Variants in DYRK3 observed in about 807,000 individuals in gnomAD.
DYRK3 encodes dual specificity tyrosine-phosphorylation-regulated kinase 3.
A neutral mutation model predicts 40.8 loss-of-function variants in DYRK3; 30 were observed. That is an observed-to-expected ratio of 0.74 (90% CI 0.55 to 1.00). The LOEUF (loss-of-function observed/expected upper bound fraction) is 1.00. Among genes scored for constraint, DYRK3 ranks in the 50% least tolerant of loss-of-function variants. DYRK3 has a pLI of 0.00. For missense variants in DYRK3, 699 were observed against 731.5 expected, an observed-to-expected ratio of 0.96 and a Z score of 0.51; for synonymous variants, 272 against 260.7, an observed-to-expected ratio of 1.04 and a Z score of -0.42.
At position 206,649,209 on chromosome 1, in the gene DYRK3, A is replaced by G; in HGVS notation, c.*244A>G. 2.2e-6 allele frequency: 1 copy of G among 457,272 alleles called. No individual in the cohort carries two copies. The highest frequency in any genetic ancestry group is 3.9e-6 in the Non-Finnish European group (1 of 256,532). The allele number at this position is 457,272 out of a possible 1,614,324, so 28.3% of individuals were successfully genotyped here. On this transcript the variant is annotated 3_prime_UTR_variant, in exon 3 of 3. Transcript: ENST00000367109. ...TATAGGTCAATGCATCTTTGTTATT[A>G]TCGTCAGATGTATTTCAACTGATGT...
Position 206,648,384 on chromosome 1 carries a change from G to A in DYRK3, c.1186G>A (p.Gly396Ser). The part of the protein sequence containing the change: ...YSTPIDIWSF[G>S]CILAELLTGQ... ...CACACCAATTGACATATGGAGTTTT[G>A]GCTGCATCCTTGCAGAACTTTTAAC... The change falls in exon 3 of 3, where the codon GGC (glycine) becomes AGC (serine). Residue 396 changes from glycine (G) to serine (S), a missense_variant. Gly to Ser is a moderately conservative substitution (Grantham distance 56). Coordinates refer to ENST00000367109, the MANE Select transcript of DYRK3 (RefSeq NM_003582.4). 6.2e-7 allele frequency: 1 copy of A among 1,614,064 alleles called. No individual in the cohort carries two copies.
At chr1:206,642,463 T>C (rs567652486) in intron 2 of DYRK3, among the ~76,000 whole-genome samples, 1 of 152,300 alleles carries the variant, frequency 6.6e-6, no homozygotes, top group South Asian at 2.1e-4. Context: ...CATGCTGCTA[T>C]AAAGACACAT....
At chr1:206,636,082 G>T in intron 1 of DYRK3, 1 of 1,514,184 alleles carries the variant, frequency 6.6e-7, no homozygotes, top group African/African-American at 1.4e-5. Context: ...CGAAAATCTA[G>T]GACTTTTTGT....
intron 1 of DYRK3, chr1:206,636,067 G>C (rs1400204102): frequency 4.6e-6 from 7 of 1,535,214 alleles, no homozygotes; most frequent in Non-Finnish European, 5.3e-6. Context: ...TATGTTAAGG[G>C]ATTACGAAAA....
chr1:206,637,062 G>A, intron 1 of DYRK3: 1 of 888,544 alleles, frequency 1.1e-6, no homozygotes, highest in South Asian at 1.4e-5. Flanking sequence ...ATGTAAGTAG[G>A]TAAGTAAGTA....
chr1:206,641,425 T>A (rs1057246152), intron 2 of DYRK3, among the ~76,000 whole-genome samples: 1 of 147,194 alleles, frequency 6.8e-6, no homozygotes, highest in Non-Finnish European at 1.5e-5. Flanking sequence ...TTCTTTTTTA[T>A]GGCTAAATAG....
chr1:206,642,930 T>A (rs1268860751), intron 2 of DYRK3, among the ~76,000 whole-genome samples: 1 of 151,210 alleles, frequency 6.6e-6, no homozygotes, highest in South Asian at 2.1e-4. Context: ...ATAATAATAA[T>A]AATAAAAATA....
In DYRK3 at chr1:206,648,491, ACTT is replaced by A; in HGVS notation, c.1296_1298del (p.Leu433del). ...AGCTTCTAGGGATGCCACCACCAAA[ACTT>A]CTGGAGCAATCCAAACGTGCCAAGT... is the stretch of plus-strand genomic sequence containing the variant. On this transcript the variant is annotated inframe_deletion, in exon 3 of 3. Coordinates refer to ENST00000367109, the MANE Select transcript of DYRK3 (RefSeq NM_003582.4). The A allele has an allele frequency of 6.2e-7, 1 of 1,614,048 alleles. No individual in the cohort carries two copies. The highest frequency in any genetic ancestry group is 8.5e-7 in the Non-Finnish European group (1 of 1,180,006).
rs529410608 is a variant in DYRK3 at position 206,649,433 on chromosome 1, C to G, written c.*468C>G. ...TCTAGGCTCATTCTAGGTGAAAGAG[C>G]TCACAGCAGACTGTGGGGTGGGGGA... is the stretch of plus-strand genomic sequence containing the variant. On this transcript the variant is annotated 3_prime_UTR_variant, in exon 3 of 3. Coordinates refer to ENST00000367109, the MANE Select transcript of DYRK3 (RefSeq NM_003582.4). 2.1e-3 allele frequency among the ~76,000 whole-genome samples: 321 copies of G among 152,338 alleles called. No homozygotes were observed. Among genetic ancestry groups the G allele is most frequent in the African/African-American group, 7.4e-3 (306 of 41,552 alleles).
rs185204467 is a variant in DYRK3, at chr1:206,649,211, C to T, written c.*246C>T. Reference sequence around the variant, plus strand: ...TAGGTCAATGCATCTTTGTTATTATCGTCAGATGTATTTCAACTGATGTAT... The same window carrying T: ...TAGGTCAATGCATCTTTGTTATTATTGTCAGATGTATTTCAACTGATGTAT... On this transcript the variant is annotated 3_prime_UTR_variant, in exon 3 of 3. Coordinates refer to ENST00000367109, the MANE Select transcript of DYRK3 (RefSeq NM_003582.4). 3.4e-3 allele frequency: 1,520 copies of T among 445,856 alleles called. 2 individuals are homozygous for T. The highest frequency in any genetic ancestry group is 4.8e-3 in the Non-Finnish European group (1,198 of 249,690). 27.6% of individuals were successfully genotyped at this position (445,856 alleles called of 1,614,324 possible). A position where few individuals can be genotyped will look rare whatever the true frequency, so the allele number is the denominator to read the frequency against.
intron 2 of DYRK3, among the ~76,000 whole-genome samples, chr1:206,641,589 A>G (rs1226819160): frequency 6.6e-6 from 1 of 150,406 alleles, no homozygotes; most frequent in African/African-American, 2.5e-5. Flanking sequence ...GGTTTTATTT[A>G]TAACACATCA....
At chr1:206,637,004 T>G (rs782537338) in intron 1 of DYRK3, 1 of 1,494,924 alleles carries the variant, frequency 6.7e-7, no homozygotes, top group South Asian at 1.1e-5. Context: ...AGAGCATCCT[T>G]TTAGCGTTTG....
At position 206,654,357 on chromosome 1, in the gene DYRK3, C is replaced by T. The variant is rs1376425068; in HGVS notation, c.*5392C>T. Among the ~76,000 whole-genome samples, 3 of 152,204 alleles carry T rather than the reference C, an allele frequency of 2.0e-5. No individual in the cohort carries two copies. Among genetic ancestry groups the T allele is most frequent in the Non-Finnish European group, 2.9e-5 (2 of 68,042 alleles). On this transcript the variant is annotated 3_prime_UTR_variant, in exon 3 of 3. Coordinates refer to ENST00000367109, the MANE Select transcript of DYRK3 (RefSeq NM_003582.4). ...CGGTCTAGATGACCAATCTGTAGAA[C>T]GCTATAACTTACTATGCGTAGAGCA...
chr1:206,644,996 CTTTG>C (rs1359988675), intron 2 of DYRK3, among the ~76,000 whole-genome samples: 1 of 152,122 alleles, frequency 6.6e-6, no homozygotes, highest in South Asian at 2.1e-4. Flanking sequence ...GGCTCCTTGA[CTTTG>C]TTTAAGATCA....
In DYRK3 at chr1:206,651,735, A is replaced by T. The variant is rs1671637507; in HGVS notation, c.*2770A>T. On this transcript the variant is annotated 3_prime_UTR_variant, in exon 3 of 3. Coordinates refer to ENST00000367109, the MANE Select transcript of DYRK3 (RefSeq NM_003582.4). ...GAGCAGGATCCAAGTCAGATGAAGG[A>T]GGTGGCACACCTGGCTTAACTGCAG... 6.6e-6 allele frequency among the ~76,000 whole-genome samples: 1 copy of T among 152,204 alleles called. No homozygotes were observed. The highest frequency in any genetic ancestry group is 1.5e-5 in the Non-Finnish European group (1 of 68,034).
In DYRK3 at chr1:206,640,327, A is replaced by C. The variant is rs544329804; in HGVS notation, c.189+2566A>C. ...TTACATTTCATTATGCCATGACTCT[A>C]TCCCGAGATCCTGTTACTTTTTTTT... is the stretch of plus-strand genomic sequence containing the variant. On this transcript the variant is annotated intron_variant, in intron 2 of 2. Coordinates refer to ENST00000367109, the MANE Select transcript of DYRK3 (RefSeq NM_003582.4). Among the ~76,000 whole-genome samples, 11 of 152,250 alleles carry C rather than the reference A, an allele frequency of 7.2e-5. 1 individual carries two copies. In the South Asian group the frequency reaches 2.3e-3, roughly 32 times the overall value.
In DYRK3 at chr1:206,647,762, A is replaced by G; in HGVS notation, c.564A>G (p.Gly188=). 1 of 1,614,096 alleles carries G rather than the reference A, an allele frequency of 6.2e-7. No individual in the cohort carries two copies. Among genetic ancestry groups the G allele is most frequent in the South Asian group, 1.1e-5 (1 of 91,084 alleles). The part of the protein sequence containing the change: ...RHGVIGGPNN[G]GYDDADGAYI... ...GAGTTATTGGTGGTCCCAATAATGG[A>G]GGGTATGATGATGCAGATGGGGCCT... The change falls in exon 3 of 3, where the codon GGA becomes GGG. Residue 188 remains glycine (G), a synonymous_variant. Coordinates refer to ENST00000367109, the MANE Select transcript of DYRK3 (RefSeq NM_003582.4).
chr1:206,639,914 C>G (rs548920248), intron 2 of DYRK3, among the ~76,000 whole-genome samples: 54 of 147,012 alleles, frequency 3.7e-4, no homozygotes, highest in Non-Finnish European at 7.2e-4. Flanking sequence ...AGATGTCTTA[C>G]TCATTACTCA....
Position 206,635,620 on chromosome 1 carries a change from G to A in DYRK3, c.-84G>A. 8.1e-7 allele frequency: 1 copy of A among 1,235,440 alleles called. No homozygotes were observed. The highest frequency in any genetic ancestry group is 1.0e-6 in the Non-Finnish European group (1 of 986,272). 76.5% of individuals were successfully genotyped at this position (1,235,440 alleles called of 1,614,324 possible). On this transcript the variant is annotated 5_prime_UTR_variant, in exon 1 of 3. Transcript: ENST00000367109. ...AGTACCCGTGGGAGCGTCGCGCCGC[G>A]GAGGCAGCCGTCCCGGCGTAGGTGG...
Sources: allele counts gnomAD v4.1 joint callset (sites outside exome capture counted in the v4.1 genomes callset), GRCh38; gene constraint gnomAD v4.1.1; transcripts MANE v1.5; gene names NCBI Gene and HGNC (gene_info 2026-07-23, HGNC 2026-07-21).